The following SNX6 variants were observed in gnomAD, a reference collection of about 807,000 sequenced individuals.
SNX6 encodes the protein sorting nexin-6.
A neutral mutation model predicts 63.0 loss-of-function variants in SNX6; 34 were observed. That is an observed-to-expected ratio of 0.54 (90% CI 0.41 to 0.72). The LOEUF is 0.72. SNX6 is among the 30% of genes least tolerant of loss of function. The probability of loss-of-function intolerance (pLI) is 0.00; values close to 1 mark genes in which losing one functional copy is unlikely to be tolerated. For synonymous variants in SNX6, 170 were observed against 164.2 expected (o/e 1.04, Z -0.27); for missense variants, 398 against 471.4 (o/e 0.84, Z 1.44).
chr14:34,601,248 C>T (rs995439435), intron 6 of SNX6, among the ~76,000 whole-genome samples: 6 of 137,634 alleles, frequency 4.4e-5, no homozygotes, highest in Non-Finnish European at 9.1e-5. Flanking sequence ...TTTTTTGAGA[C>T]GGAGTCTCGC....
intron 13 of SNX6, among the ~76,000 whole-genome samples, chr14:34,565,599 C>T (rs994837250): frequency 9.9e-5 from 15 of 152,220 alleles, no homozygotes; most frequent in Admixed American, 9.8e-4. Context: ...TCACGGCAAC[C>T]TCCGCCTCCC....
intron 2 of SNX6, among the ~76,000 whole-genome samples, chr14:34,627,425 G>T (rs550004131): frequency 3.3e-5 from 5 of 151,850 alleles, no homozygotes; most frequent in African/African-American, 9.7e-5. Context: ...CGGGCCTTCG[G>T]CCTGGGCGAA....
At chr14:34,610,681 T>C (rs945952481) in intron 2 of SNX6, among the ~76,000 whole-genome samples, 1 of 152,166 alleles carries the variant, frequency 6.6e-6, no homozygotes, top group Non-Finnish European at 1.5e-5. Flanking sequence ...TTCTCATCTA[T>C]AAGAAGACTC....
At chr14:34,575,001 C>T (rs1288416063) in intron 11 of SNX6, among the ~76,000 whole-genome samples, 1 of 151,766 alleles carries the variant, frequency 6.6e-6, no homozygotes, top group Non-Finnish European at 1.5e-5. Flanking sequence ...AAGCAATTCT[C>T]CTGCCTCAGC....
chr14:34,612,816 G>T (rs955243784), intron 2 of SNX6, among the ~76,000 whole-genome samples: 4 of 151,844 alleles, frequency 2.6e-5, no homozygotes, highest in African/African-American at 7.2e-5. Flanking sequence ...TTGGGAGGCC[G>T]AAGTGAGTGG....
intron 2 of SNX6, among the ~76,000 whole-genome samples, chr14:34,618,839 T>C (rs1883520827): frequency 1.3e-5 from 2 of 152,152 alleles, no homozygotes; most frequent in African/African-American, 2.4e-5. Flanking sequence ...CATCCTCCCC[T>C]CCCAGCCCAA....
At chr14:34,587,127 G>C (rs1243723753) in intron 8 of SNX6, among the ~76,000 whole-genome samples, 1 of 149,986 alleles carries the variant, frequency 6.7e-6, no homozygotes, top group Non-Finnish European at 1.5e-5. Flanking sequence ...ATAATTACTA[G>C]AACTAATAAG....
chr14:34,565,937 C>T (rs776801713), intron 13 of SNX6, among the ~76,000 whole-genome samples: 14 of 152,054 alleles, frequency 9.2e-5, no homozygotes, highest in Admixed American at 2.6e-4. Flanking sequence ...GATCCACCCG[C>T]CTCGGCCTCC....
intron 3 of SNX6, 47 bp from the exon 4 acceptor site, chr14:34,608,187 A>G: frequency 8.5e-7 from 1 of 1,182,138 alleles, no homozygotes; most frequent in African/African-American, 1.5e-5. Flanking sequence ...TTTACACTAA[A>G]AAGTTTTTTG....
chr14:34,580,661 A>AT (rs11424362), intron 10 of SNX6, among the ~76,000 whole-genome samples: 3,170 of 138,500 alleles, frequency 0.023, 77 homozygotes, highest in East Asian at 0.07. Flanking sequence ...GAGGGATTCC[A>AT]TTTTTTTTTT....
At chr14:34,586,391 A>C (rs1447057257) in intron 8 of SNX6, 86 bp from the exon 9 acceptor site, 98 of 783,866 alleles carry the variant, frequency 1.3e-4, no homozygotes, top group South Asian at 2.2e-4. Flanking sequence ...ACAATGTGTA[A>C]TATGAGACAC....
Position 34,567,733 on chromosome 14 carries a change from T to G in SNX6, c.1120A>C (p.Arg374=). The G allele has an allele frequency of 6.2e-7, 1 of 1,613,968 alleles. No individual in the cohort carries two copies. Residue 374 remains arginine, a synonymous_variant, in exon 13 of 14, where the codon AGA becomes CGA. Transcript: ENST00000362031. ...DFKTRRVAAF[R]KNLVELAELE... is the part of the protein sequence containing the mutation. Reference sequence around the variant, plus strand: ...TCTGCCAGTTCCACTAAATTTTTTCTGAATGCAGCAACTCTTCTTGTCTTA... The same window carrying G: ...TCTGCCAGTTCCACTAAATTTTTTCGGAATGCAGCAACTCTTCTTGTCTTA...
At chr14:34,621,201 C>T (rs1294532191) in intron 2 of SNX6, among the ~76,000 whole-genome samples, 1 of 152,086 alleles carries the variant, frequency 6.6e-6, no homozygotes, top group Non-Finnish European at 1.5e-5. Flanking sequence ...CTTGCCTCAG[C>T]CTCTCAGAGT....
At chr14:34,615,865 T>C (rs572851988) in intron 2 of SNX6, among the ~76,000 whole-genome samples, 1 of 152,342 alleles carries the variant, frequency 6.6e-6, no homozygotes, top group East Asian at 1.9e-4. Flanking sequence ...CCACCATCAG[T>C]ATAAAATATC....
intron 10 of SNX6, among the ~76,000 whole-genome samples, chr14:34,580,046 G>A (rs1466431535): frequency 4.6e-5 from 7 of 152,124 alleles, no homozygotes; most frequent in Non-Finnish European, 8.8e-5. Flanking sequence ...TTAGCCTGGC[G>A]TGGTGGCACA....
chr14:34,588,004 TTTC>T (rs1007195892), intron 8 of SNX6, among the ~76,000 whole-genome samples: 4 of 147,144 alleles, frequency 2.7e-5, no homozygotes, highest in Non-Finnish European at 1.5e-5. Flanking sequence ...AGAGATGGGG[TTTC>T]TTTTTTTTTT....
chr14:34,595,425 C>A (rs1043139054), intron 7 of SNX6, among the ~76,000 whole-genome samples: 3 of 152,190 alleles, frequency 2.0e-5, no homozygotes, highest in African/African-American at 7.2e-5. Context: ...GCGTGAGCCA[C>A]TGTGCCCGGC....
intron 13 of SNX6, among the ~76,000 whole-genome samples, chr14:34,566,232 A>G (rs1396756775): frequency 6.6e-6 from 1 of 152,238 alleles, no homozygotes; most frequent in Non-Finnish European, 1.5e-5. Flanking sequence ...AGCAAATGTT[A>G]AATAAATTTT....
At chr14:34,592,985 A>C in intron 8 of SNX6, 60 bp downstream of exon 8, 14 of 1,203,180 alleles carry the variant, frequency 1.2e-5, no homozygotes, top group Non-Finnish European at 1.7e-5. Flanking sequence ...TCAAACTATA[A>C]TATGAACTTT....
Sources: allele counts gnomAD v4.1 joint callset (sites outside exome capture counted in the v4.1 genomes callset), GRCh38; gene constraint gnomAD v4.1.1; transcripts MANE v1.5; gene names NCBI Gene and HGNC (gene_info 2026-07-23, HGNC 2026-07-21).